The following RARRES1 variants were observed in gnomAD, a reference collection of about 807,000 sequenced individuals.
RARRES1 encodes retinoic acid receptor responder protein 1.
A neutral mutation model predicts 30.6 loss-of-function variants in RARRES1; 34 were observed. That is an observed-to-expected ratio of 1.11 (90% CI 0.84 to 1.48). The LOEUF is 1.48. RARRES1 is among the 40% of genes most tolerant of loss of function. The probability of loss-of-function intolerance (pLI) is 0.00; values close to 1 mark genes in which losing one functional copy is unlikely to be tolerated. For synonymous variants in RARRES1, 153 were observed against 155.5 expected (o/e 0.98, Z 0.12); for missense variants, 373 against 386.5 (o/e 0.97, Z 0.29).
rs74694921 is a variant in RARRES1, at chr3:158,724,087, G to A, written c.276+8053C>T. ...CTTTGACAAAGCAGCCTATGGTCGA[G>A]TACTGAGCTAGAGAGGAGAGGGCAG... On this transcript the variant is annotated intron_variant, in intron 1 of 5. Transcript: ENST00000237696. 8.0e-3 allele frequency among the ~76,000 whole-genome samples: 1,217 copies of A among 152,280 alleles called. 22 individuals are homozygous for A. The highest frequency in any genetic ancestry group is 0.028 in the African/African-American group (1,143 of 41,554).
At chr3:158,708,906 C>G (rs1010816956) in intron 3 of RARRES1, among the ~76,000 whole-genome samples, 2 of 152,224 alleles carry the variant, frequency 1.3e-5, no homozygotes, top group African/African-American at 2.4e-5. Context: ...ATCCGCCCGC[C>G]TCGGCCTCCC....
intron 1 of RARRES1, among the ~76,000 whole-genome samples, chr3:158,716,105 G>A (rs1418635066): frequency 1.3e-5 from 2 of 152,200 alleles, no homozygotes; most frequent in Non-Finnish European, 2.9e-5. Context: ...AGGAGTCAGC[G>A]ACACCCTCAG....
In RARRES1 at chr3:158,713,780, C is replaced by T. The variant is rs1159121102; in HGVS notation, c.339+17G>A. ...AGCAGTTGCTAATAGGATACTTTGC[C>T]AATTGTGGCAGCTTACCTCTGGGTT... On this transcript the variant is annotated intron_variant, in intron 2 of 5. Coordinates refer to ENST00000237696, the MANE Select transcript of RARRES1 (RefSeq NM_206963.2). 11 of 1,606,304 alleles carry T rather than the reference C, an allele frequency of 6.8e-6. No homozygotes were observed. The highest frequency in any genetic ancestry group is 1.1e-5 in the South Asian group (1 of 89,940).
chr3:158,724,937 C>T (rs1576823295), intron 1 of RARRES1, among the ~76,000 whole-genome samples: 1 of 152,050 alleles, frequency 6.6e-6, no homozygotes, highest in South Asian at 2.1e-4. Flanking sequence ...AGGTGATCCT[C>T]CCACCTCAGC....
chr3:158,709,024 A>G (rs1324062345), intron 3 of RARRES1, among the ~76,000 whole-genome samples: 1 of 152,206 alleles, frequency 6.6e-6, no homozygotes, highest in Non-Finnish European at 1.5e-5. Flanking sequence ...TTAAGTAGAT[A>G]ATTTTACATA....
chr3:158,715,239 A>G (rs1727286637), intron 1 of RARRES1, among the ~76,000 whole-genome samples: 1 of 152,262 alleles, frequency 6.6e-6, no homozygotes, highest in Non-Finnish European at 1.5e-5. Context: ...TATGATGTCC[A>G]GCCCGGCCTT....
rs1726582595 is a variant in RARRES1, at chr3:158,697,484, T to C, written c.*194A>G. ...AGCACTGAGCAGAGTTCAGTGTGCA[T>C]GCGCTTCCAGAGTTAAAAGCTAAAG... On this transcript the variant is annotated 3_prime_UTR_variant, in exon 6 of 6. Coordinates refer to ENST00000237696, the MANE Select transcript of RARRES1 (RefSeq NM_206963.2). The C allele has an allele frequency of 8.5e-6, 5 of 587,778 alleles. No individual in the cohort carries two copies. The East Asian group carries it at 1.5e-4, about 17-fold the overall frequency. 36.4% of individuals were successfully genotyped at this position (587,778 alleles called of 1,614,324 possible).
chr3:158,721,393 G>A (rs1727506005), intron 1 of RARRES1, among the ~76,000 whole-genome samples: 1 of 152,260 alleles, frequency 6.6e-6, no homozygotes, highest in Middle Eastern at 3.4e-3. Flanking sequence ...AGGAGGTCTG[G>A]GGTGGGGCCT....
At chr3:158,724,507 G>T (rs188318276) in intron 1 of RARRES1, among the ~76,000 whole-genome samples, 48 of 152,288 alleles carry the variant, frequency 3.2e-4, no homozygotes, top group Admixed American at 3.1e-3. Context: ...ATGGAGTCAT[G>T]AGCCAAGGAG....
At chr3:158,704,413 G>A (rs974341769) in intron 4 of RARRES1, among the ~76,000 whole-genome samples, 1 of 151,686 alleles carries the variant, frequency 6.6e-6, no homozygotes, top group Non-Finnish European at 1.5e-5. Context: ...TAATTTTTTT[G>A]TAGAGATAGG....
chr3:158,720,260 GTGTGTA>G (rs1175741359), intron 1 of RARRES1, among the ~76,000 whole-genome samples: 2 of 144,722 alleles, frequency 1.4e-5, no homozygotes, highest in African/African-American at 5.3e-5. Flanking sequence ...GTGTGTGTGT[GTGTGTA>G]TGTGTGTGAG....
chr3:158,712,298 C>G (rs995870975), intron 2 of RARRES1, among the ~76,000 whole-genome samples: 6 of 152,162 alleles, frequency 3.9e-5, no homozygotes, highest in African/African-American at 9.7e-5. Flanking sequence ...AATCAAAATT[C>G]TCTCTGCGCT....
In RARRES1 at chr3:158,732,373, G is replaced by C. The variant is rs750338802; in HGVS notation, c.43C>G (p.Pro15Ala). The change falls in exon 1 of 6, where the codon CCC (proline) becomes GCC (alanine). Residue 15 changes from proline to alanine, a missense_variant. Coordinates refer to ENST00000237696, the MANE Select transcript of RARRES1 (RefSeq NM_206963.2). ...RQRLPAPWSG[P>A]RGPRPTAPLL... ...GGGGCGGTGGGGCGCGGGCCCCTGG[G>C]CCCGGACCAGGGAGCAGGCAGCCGT... 4 of 1,492,532 alleles carry C rather than the reference G, an allele frequency of 2.7e-6. No homozygotes were observed. The African/African-American group carries it at 5.8e-5, about 22-fold the overall frequency. The allele number at this position is 1,492,532 out of a possible 1,614,324, so 92.5% of individuals were successfully genotyped here.
chr3:158,732,148 G>A lies in RARRES1; in HGVS notation c.268C>T (p.Arg90Cys). ...CGTCGCTCCGCACTCACCCACGCGC[G>A]GCCCTCCTGCACCTCGGCCAGCACT... The part of the protein sequence containing the change: ...LRVLAEVQEG[R>C]AWINPKEGCK... The change falls in exon 1 of 6, where the codon CGC becomes TGC. Residue 90 changes from arginine to cysteine, a missense_variant. Physicochemically the swap from Arg to Cys is radical, Grantham distance 180. Coordinates refer to ENST00000237696, the MANE Select transcript of RARRES1 (RefSeq NM_206963.2). The A allele has an allele frequency of 7.2e-7, 1 of 1,383,522 alleles. No individual in the cohort carries two copies. Among genetic ancestry groups the A allele is most frequent in the Non-Finnish European group, 9.3e-7 (1 of 1,076,238 alleles). 85.7% of individuals were successfully genotyped at this position (1,383,522 alleles called of 1,614,324 possible).
At chr3:158,715,729 T>A (rs890768051) in intron 1 of RARRES1, among the ~76,000 whole-genome samples, 9 of 152,158 alleles carry the variant, frequency 5.9e-5, no homozygotes, top group African/African-American at 2.2e-4. Flanking sequence ...GGATGTTATA[T>A]AACATGGTCT....
At chr3:158,721,397 G>T in intron 1 of RARRES1, among the ~76,000 whole-genome samples, 1 of 152,184 alleles carries the variant, frequency 6.6e-6, no homozygotes, top group East Asian at 1.9e-4. Context: ...GGTCTGGGGT[G>T]GGGCCTGGGA....
intron 4 of RARRES1, among the ~76,000 whole-genome samples, chr3:158,700,227 A>G (rs62288349): frequency 0.36 from 51,087 of 141,634 alleles, 8,953 homozygotes; most frequent in Middle Eastern, 0.41. Context: ...GTGTGTGTAT[A>G]TATATATATA....
chr3:158,715,265 C>G (rs1727287397), intron 1 of RARRES1, among the ~76,000 whole-genome samples: 1 of 152,258 alleles, frequency 6.6e-6, no homozygotes. Context: ...AAACCTGCTT[C>G]TATCTTGGAA....
At chr3:158,726,035 T>C (rs901257567) in intron 1 of RARRES1, among the ~76,000 whole-genome samples, 1 of 152,252 alleles carries the variant, frequency 6.6e-6, no homozygotes, top group Non-Finnish European at 1.5e-5. Flanking sequence ...TCTTTCCTAA[T>C]GCCTATAAAA....
Sources: allele counts gnomAD v4.1 joint callset (sites outside exome capture counted in the v4.1 genomes callset), GRCh38; gene constraint gnomAD v4.1.1; transcripts MANE v1.5; gene names NCBI Gene and HGNC (gene_info 2026-07-23, HGNC 2026-07-21).